Variants in ERC1 observed in about 807,000 individuals in gnomAD.
ERC1 encodes the protein ELKS/RAB6-interacting/CAST family member 1.
A neutral mutation model predicts 132.0 loss-of-function variants in ERC1; 56 were observed. That is an observed-to-expected ratio of 0.42 (90% confidence interval 0.34 to 0.53). The LOEUF is 0.53. Ranked by LOEUF, ERC1 falls within the 20% of genes least tolerant of loss-of-function variation. ERC1 has a pLI of 0.03. For missense variants in ERC1, 1,202 were observed against 1,349.9 expected, an observed-to-expected ratio of 0.89 and a Z score of 1.72; for synonymous variants, 478 against 476.1, an observed-to-expected ratio of 1.00 and a Z score of -0.05.
intron 12 of ERC1, among the ~76,000 whole-genome samples, chr12:1,200,591 C>G (rs1956815009): frequency 1.3e-5 from 2 of 150,844 alleles, no homozygotes; most frequent in South Asian, 4.2e-4. Flanking sequence ...CGGAGTCTCT[C>G]TCTGTCGCCC....
chr12:1,145,529 C>T (rs1468404530), intron 8 of ERC1, among the ~76,000 whole-genome samples: 1 of 152,144 alleles, frequency 6.6e-6, no homozygotes, highest in South Asian at 2.1e-4. Flanking sequence ...TGTAGGTTGT[C>T]TGTTTACTCT....
chr12:1,356,213 AGTGTGTGT>A (rs71055145), intron 15 of ERC1, among the ~76,000 whole-genome samples: 5,331 of 129,974 alleles, frequency 0.041, 145 homozygotes, highest in Middle Eastern at 0.1. Context: ...AAAAAAAAAA[AGTGTGTGT>A]GTGTGTGTGT....
At position 1,385,390 on chromosome 12, in the gene ERC1, C is replaced by G. The variant is rs768219663; in HGVS notation, c.2925+13413C>G. On this transcript the variant is annotated intron_variant, in intron 16 of 18. Coordinates refer to ENST00000360905, the MANE Select transcript of ERC1 (RefSeq NM_178040.4). The stretch of plus-strand genomic sequence containing the variant: ...CTCCGCCTCCCGGGTTCACGCCATT[C>G]TCCTGCCTCAGCCTCCCGAGTAGCT... Among the ~76,000 whole-genome samples, 11 of 152,270 alleles carry G rather than the reference C, an allele frequency of 7.2e-5. 1 individual carries two copies. The East Asian group carries it at 1.9e-3, about 27-fold the overall frequency.
chr12:1,433,531 A>G (rs1215485789), intron 17 of ERC1, among the ~76,000 whole-genome samples: 1 of 152,206 alleles, frequency 6.6e-6, no homozygotes, highest in Non-Finnish European at 1.5e-5. Flanking sequence ...AGGCACACAC[A>G]CCTGCCTTAG....
At chr12:1,171,562 C>T (rs1953073501) in intron 8 of ERC1, among the ~76,000 whole-genome samples, 1 of 152,004 alleles carries the variant, frequency 6.6e-6, no homozygotes, top group African/African-American at 2.4e-5. Flanking sequence ...GCCATCAATA[C>T]TGAAAGGTAT....
intron 15 of ERC1, among the ~76,000 whole-genome samples, chr12:1,354,771 C>T (rs2085362887): frequency 6.6e-6 from 1 of 152,304 alleles, no homozygotes; most frequent in South Asian, 2.1e-4. Flanking sequence ...CTGCCTCAGC[C>T]TCCCAAGTAG....
intron 4 of ERC1, 69 bp from the exon 5 acceptor site, chr12:1,110,123 A>C: frequency 7.7e-7 from 1 of 1,295,220 alleles, no homozygotes; most frequent in Non-Finnish European, 1.1e-6. Context: ...ACTTCTTTAA[A>C]TATCATGTTA....
chr12:1,030,043 G>A (rs1169607405), intron 2 of ERC1, among the ~76,000 whole-genome samples: 3 of 152,050 alleles, frequency 2.0e-5, no homozygotes, highest in Non-Finnish European at 2.9e-5. Flanking sequence ...CCACCGCCAG[G>A]CCCATACTTT....
intron 15 of ERC1, among the ~76,000 whole-genome samples, chr12:1,299,042 A>G (rs922757254): frequency 2.0e-5 from 3 of 152,216 alleles, no homozygotes; most frequent in African/African-American, 7.2e-5. Flanking sequence ...GACCGACAGA[A>G]CTAAAGGTAA....
At chr12:1,007,248 T>G (rs970669711) in intron 1 of ERC1, among the ~76,000 whole-genome samples, 3 of 152,162 alleles carry the variant, frequency 2.0e-5, no homozygotes, top group African/African-American at 7.2e-5. Flanking sequence ...GACTTTTACC[T>G]TGGAGCAATG....
chr12:1,344,700 G>A (rs1461469286), intron 15 of ERC1, among the ~76,000 whole-genome samples: 2 of 152,134 alleles, frequency 1.3e-5, no homozygotes, highest in Non-Finnish European at 2.9e-5. Flanking sequence ...CATTTGTTAA[G>A]GGCCTGCCAT....
At chr12:1,327,083 T>A (rs2082496822) in intron 15 of ERC1, among the ~76,000 whole-genome samples, 2 of 152,222 alleles carry the variant, frequency 1.3e-5, no homozygotes, top group Non-Finnish European at 2.9e-5. Flanking sequence ...ATTAACCCAA[T>A]TTAACATTAT....
intron 3 of ERC1, among the ~76,000 whole-genome samples, chr12:1,097,259 T>C (rs975798327): frequency 1.3e-5 from 2 of 152,176 alleles, no homozygotes; most frequent in African/African-American, 4.8e-5. Context: ...GATGGACATT[T>C]TGGACACAAG....
chr12:1,159,916 T>C (rs980235795), intron 8 of ERC1, among the ~76,000 whole-genome samples: 1 of 152,236 alleles, frequency 6.6e-6, no homozygotes, highest in Non-Finnish European at 1.5e-5. Context: ...TGTTTAACGA[T>C]GTAATGTGTA....
At chr12:1,076,834 T>A (rs113834285) in intron 2 of ERC1, among the ~76,000 whole-genome samples, 6 of 152,252 alleles carry the variant, frequency 3.9e-5, no homozygotes, top group Admixed American at 3.9e-4. Flanking sequence ...AAAAAATTTA[T>A]GACAGGGTAA....
chr12:1,084,668 TCA>T (rs1168217933), intron 3 of ERC1, among the ~76,000 whole-genome samples: 2 of 68,224 alleles, frequency 2.9e-5, no homozygotes, highest in African/African-American at 1.1e-4. Context: ...ATGCTTCCAG[TCA>T]TTTTTTTTTT....
intron 17 of ERC1, among the ~76,000 whole-genome samples, chr12:1,420,700 C>A (rs574796248): frequency 6.6e-6 from 1 of 152,254 alleles, no homozygotes; most frequent in Admixed American, 6.5e-5. Context: ...CATGATCCAC[C>A]CACCTCGGCC....
intron 13 of ERC1, among the ~76,000 whole-genome samples, chr12:1,258,811 T>C (rs1333409816): frequency 6.6e-6 from 1 of 152,250 alleles, no homozygotes; most frequent in Non-Finnish European, 1.5e-5. Context: ...AAGAAATTCA[T>C]AGGACTTTTG....
intron 18 of ERC1, among the ~76,000 whole-genome samples, chr12:1,485,849 TTCTG>T (rs1473307388): frequency 1.3e-5 from 2 of 152,260 alleles, no homozygotes; most frequent in Non-Finnish European, 2.9e-5. Flanking sequence ...AAAAATACTT[TTCTG>T]TCTCCCATCC....
Sources: gnomAD v4.1 joint callset for allele counts (sites outside exome capture counted in the v4.1 genomes callset) on GRCh38, gnomAD v4.1.1 for gene constraint, MANE v1.5 for transcripts, NCBI Gene and HGNC (gene_info 2026-07-23, HGNC 2026-07-21) for gene names.